EDN1: variants seen among roughly 807,000 people sequenced by gnomAD.
EDN1 encodes the protein endothelin 1.
Under a neutral mutation model 21.7 loss-of-function variants are expected in EDN1, and 11 were observed. That is an observed-to-expected ratio of 0.51 (90% CI 0.32 to 0.84). The LOEUF (loss-of-function observed/expected upper bound fraction) is 0.84, where lower values mean the gene tolerates loss of function less well. EDN1 is among the 40% of genes least tolerant of loss of function. The pLI is 0.03. For missense variants in EDN1, 244 were observed against 262.3 expected (o/e 0.93, Z 0.48); for synonymous variants, 85 against 90.6 (o/e 0.94, Z 0.35).
In EDN1 at chr6:12,296,230, G is replaced by C; in HGVS notation, c.*163G>C. ...TCAAAACATTCCAAGAAAGGTTAAG[G>C]AGTTCCCCCAACCATCTTCACTGGC... On this transcript the variant is annotated 3_prime_UTR_variant, in exon 5 of 5. Transcript: ENST00000379375. The C allele has an allele frequency of 1.5e-6, 1 of 670,262 alleles. No homozygotes were observed. Among genetic ancestry groups the C allele is most frequent in the South Asian group, 1.5e-5 (1 of 64,652 alleles). 41.5% of individuals were successfully genotyped at this position (670,262 alleles called of 1,614,324 possible). A position where few individuals can be genotyped will look rare whatever the true frequency, so the allele number is the denominator to read the frequency against.
the EDN1 span, among the ~76,000 whole-genome samples, chr6:12,278,356 C>A: frequency 0.026 from 3,979 of 152,192 alleles, 164 homozygotes; most frequent in African/African-American, 0.086. Context: ...CACTAGATAG[C>A]CAGTAATTTC....
Position 12,296,154 on chromosome 6 carries a change from G to A in EDN1, c.*87G>A. The A allele has an allele frequency of 1.7e-6, 2 of 1,187,674 alleles. No individual in the cohort carries two copies. The highest frequency in any genetic ancestry group is 2.4e-5 in the South Asian group (2 of 82,124). 73.6% of individuals were successfully genotyped at this position (1,187,674 alleles called of 1,614,324 possible). A position where few individuals can be genotyped will look rare whatever the true frequency, so the allele number is the denominator to read the frequency against. Reference sequence around the variant, plus strand: ...ACTCTCCACCCTGGCTGGGATCAGAGCAGGAGCATCCTCTGCTGGTTCCTG... The same window carrying A: ...ACTCTCCACCCTGGCTGGGATCAGAACAGGAGCATCCTCTGCTGGTTCCTG... On this transcript the variant is annotated 3_prime_UTR_variant, in exon 5 of 5. Coordinates refer to ENST00000379375, the MANE Select transcript of EDN1 (RefSeq NM_001955.5).
upstream of EDN1, among the ~76,000 whole-genome samples, chr6:12,285,753 A>T (rs1466421189): frequency 2.6e-5 from 4 of 152,104 alleles, no homozygotes; most frequent in African/African-American, 4.8e-5. Context: ...AATTTTTAGT[A>T]GACATGGGAT....
chr6:12,255,547 C>T, the EDN1 span, among the ~76,000 whole-genome samples: 1 of 152,158 alleles, frequency 6.6e-6, no homozygotes, highest in Admixed American at 6.5e-5. Flanking sequence ...ATGCTCTGAA[C>T]ATCAGTTTGT....
Position 12,296,143 on chromosome 6 carries a change from C to A in EDN1, c.*76C>A. ...GCCGACTCTGCACTCTCCACCCTGG[C>A]TGGGATCAGAGCAGGAGCATCCTCT... On this transcript the variant is annotated 3_prime_UTR_variant, in exon 5 of 5. Coordinates refer to ENST00000379375, the MANE Select transcript of EDN1 (RefSeq NM_001955.5). 2 of 1,329,832 alleles carry A rather than the reference C, an allele frequency of 1.5e-6. No individual in the cohort carries two copies. Among genetic ancestry groups the A allele is most frequent in the Non-Finnish European group, 2.2e-6 (2 of 923,012 alleles). The allele number at this position is 1,329,832 out of a possible 1,614,324, so 82.4% of individuals were successfully genotyped here.
the EDN1 span, among the ~76,000 whole-genome samples, chr6:12,276,261 G>A: frequency 6.6e-6 from 1 of 151,776 alleles, no homozygotes; most frequent in Non-Finnish European, 1.5e-5. Context: ...CTAGGAAGGG[G>A]ACTTCCATCC....
the EDN1 span, among the ~76,000 whole-genome samples, chr6:12,275,986 C>T: frequency 1.3e-5 from 2 of 151,890 alleles, no homozygotes; most frequent in African/African-American, 2.4e-5. Context: ...CATGGTGAAA[C>T]CCTGTCTCTA....
At chr6:12,232,319 A>G in the EDN1 span, among the ~76,000 whole-genome samples, 3 of 151,250 alleles carry the variant, frequency 2.0e-5, no homozygotes, top group Non-Finnish European at 4.4e-5. Context: ...ATCTGATTAG[A>G]TCACCATATG....
chr6:12,295,386 C>G (rs1160413291), intron 4 of EDN1, among the ~76,000 whole-genome samples: 1 of 151,960 alleles, frequency 6.6e-6, no homozygotes, highest in Non-Finnish European at 1.5e-5. Context: ...AGTTTCTGAA[C>G]TAACCTGGAA....
At chr6:12,293,838 T>G (rs912028745) in intron 2 of EDN1, 103 bp from the exon 3 acceptor site, 2 of 1,305,734 alleles carry the variant, frequency 1.5e-6, no homozygotes, top group East Asian at 2.4e-5. Context: ...CCAAGTGCTA[T>G]GTGATGAGCT....
chr6:12,251,067 A>G, the EDN1 span, among the ~76,000 whole-genome samples: 3 of 152,262 alleles, frequency 2.0e-5, no homozygotes, highest in Admixed American at 6.5e-5. Context: ...AAGGACTATT[A>G]GAGGAGATAC....
At chr6:12,269,838 A>C in the EDN1 span, among the ~76,000 whole-genome samples, 1 of 151,926 alleles carries the variant, frequency 6.6e-6, no homozygotes, top group Non-Finnish European at 1.5e-5. Context: ...AATTTGGAAG[A>C]ATTACCTCCT....
chr6:12,291,437 TC>T (rs374584417), intron 1 of EDN1, among the ~76,000 whole-genome samples: 1 of 151,784 alleles, frequency 6.6e-6, no homozygotes, highest in Non-Finnish European at 1.5e-5. Context: ...TCTGCCCGGG[TC>T]CCCCCCGTTT....
chr6:12,266,834 G>A, the EDN1 span, among the ~76,000 whole-genome samples: 3 of 152,076 alleles, frequency 2.0e-5, no homozygotes, highest in Non-Finnish European at 4.4e-5. Flanking sequence ...TCTGAAATGC[G>A]GTCTTTTCTC....
At chr6:12,266,655 A>G in the EDN1 span, among the ~76,000 whole-genome samples, 58 of 151,992 alleles carry the variant, frequency 3.8e-4, no homozygotes, top group African/African-American at 9.4e-4. Flanking sequence ...GTCAGAGGAG[A>G]CCTCCCCAGG....
the EDN1 span, among the ~76,000 whole-genome samples, chr6:12,251,970 G>C: frequency 2.0e-5 from 3 of 152,266 alleles, no homozygotes; most frequent in South Asian, 6.2e-4. Flanking sequence ...AAGTCAACTT[G>C]CAATAAATAG....
the EDN1 span, among the ~76,000 whole-genome samples, chr6:12,275,815 G>C: frequency 6.6e-6 from 1 of 151,938 alleles, no homozygotes; most frequent in Admixed American, 6.6e-5. Flanking sequence ...GTGTGTGTGT[G>C]TGTGTGTGTG....
chr6:12,251,723 A>G, the EDN1 span, among the ~76,000 whole-genome samples: 3 of 152,172 alleles, frequency 2.0e-5, no homozygotes, highest in Admixed American at 6.5e-5. Flanking sequence ...TGCTGATGTC[A>G]CAGCCTGGAT....
Position 12,292,422 on chromosome 6 carries a change from G to A in EDN1, c.146G>A (p.Arg49Gln). ...PTPSPPWRLR[R>Q]SKRCSCSSLM... ...CCCAGTCCACCCTGGCGGCTCCGCC[G>A]GTCCAAGCGCTGCTCCTGCTCGTCC... The change falls in exon 2 of 5, where the codon CGG becomes CAG. Residue 49 changes from arginine to glutamine, a missense_variant. Transcript: ENST00000379375. 1 of 1,614,214 alleles carries A rather than the reference G, an allele frequency of 6.2e-7. No individual in the cohort carries two copies. Among genetic ancestry groups the A allele is most frequent in the Non-Finnish European group, 8.5e-7 (1 of 1,180,038 alleles).
Sources: gnomAD v4.1 joint callset for allele counts (sites outside exome capture counted in the v4.1 genomes callset) on GRCh38, gnomAD v4.1.1 for gene constraint, MANE v1.5 for transcripts, NCBI Gene and HGNC (gene_info 2026-07-23, HGNC 2026-07-21) for gene names.